LEPR: variants seen among roughly 807,000 people sequenced by gnomAD.
The protein encoded by LEPR is leptin receptor, also known as OB receptor.
Under a neutral mutation model 114.7 loss-of-function variants are expected in LEPR, and 56 were observed. That is an observed-to-expected ratio of 0.49 (90% CI 0.39 to 0.61). The LOEUF (loss-of-function observed/expected upper bound fraction) is 0.61, where lower values mean the gene tolerates loss of function less well. Ranked by LOEUF, LEPR falls within the 20% of genes least tolerant of loss-of-function variation. The pLI is 0.00. For missense variants in LEPR, 1,202 were observed against 1,352.9 expected (o/e 0.89, Z 1.75); for synonymous variants, 443 against 461.4 (o/e 0.96, Z 0.51).
chr1:65,599,468 C>G (rs1656299891), intron 8 of LEPR, among the ~76,000 whole-genome samples: 1 of 152,116 alleles, frequency 6.6e-6, no homozygotes, highest in Admixed American at 6.6e-5. Context: ...ATGGCCTGTA[C>G]AGAGATAACA....
At chr1:65,600,042 C>G (rs1274598636) in intron 8 of LEPR, among the ~76,000 whole-genome samples, 2 of 151,930 alleles carry the variant, frequency 1.3e-5, no homozygotes, top group East Asian at 3.9e-4. Context: ...TATTTGATTT[C>G]AAAGTGAAAT....
intron 2 of LEPR, among the ~76,000 whole-genome samples, chr1:65,527,799 A>G (rs1333658062): frequency 6.6e-6 from 1 of 152,230 alleles, no homozygotes; most frequent in Non-Finnish European, 1.5e-5. Flanking sequence ...TCTCTGGTGA[A>G]GTAGAGATAG....
At chr1:65,458,013 A>G (rs756741939) in intron 2 of LEPR, among the ~76,000 whole-genome samples, 40 of 152,202 alleles carry the variant, frequency 2.6e-4, no homozygotes, top group Non-Finnish European at 4.9e-4. Flanking sequence ...GTTGAGGCCT[A>G]TAAAACTTAC....
chr1:65,605,348 A>C, intron 11 of LEPR, 111 bp downstream of exon 11: 3 of 1,400,474 alleles, frequency 2.1e-6, no homozygotes, highest in Admixed American at 1.8e-5. Flanking sequence ...TTTTGAAAAA[A>C]AAATTGTTCC....
At chr1:65,521,447 G>A (rs369272502) in intron 2 of LEPR, among the ~76,000 whole-genome samples, 54 of 151,962 alleles carry the variant, frequency 3.6e-4, no homozygotes, top group Non-Finnish European at 7.5e-4. Context: ...GACATCTAGC[G>A]ACTCCTGGAT....
intron 14 of LEPR, among the ~76,000 whole-genome samples, chr1:65,613,806 G>A (rs1455519678): frequency 1.6e-5 from 2 of 122,238 alleles, no homozygotes; most frequent in Non-Finnish European, 3.4e-5. Flanking sequence ...CAAAAACCTA[G>A]CCAAAGTAGA....
At chr1:65,519,505 A>T (rs991031632) in intron 2 of LEPR, among the ~76,000 whole-genome samples, 1 of 152,008 alleles carries the variant, frequency 6.6e-6, no homozygotes, top group African/African-American at 2.4e-5. Context: ...ATAATGATTT[A>T]GGTATTCTCT....
intron 18 of LEPR, among the ~76,000 whole-genome samples, chr1:65,622,515 AAGAG>A (rs1448968264): frequency 6.6e-6 from 1 of 152,212 alleles, no homozygotes; most frequent in Non-Finnish European, 1.5e-5. Context: ...TCAGGCAAAA[AAGAG>A]AGAGAGGAGA....
chr1:65,566,090 C>A lies in LEPR; in HGVS notation c.40+485C>A, dbSNP rs149408267. Among the ~76,000 whole-genome samples, 25 of 151,696 alleles carry A rather than the reference C, an allele frequency of 1.6e-4. No homozygotes were observed. In the East Asian group the frequency reaches 4.8e-3, roughly 29 times the overall value. On this transcript the variant is annotated intron_variant, in intron 3 of 19. Transcript: ENST00000349533. Reference sequence around the variant, plus strand: ...TATGAATATATATAAAATTATTAGTCTATTTGACCAATTCCTGATTGATAG... The same window carrying A: ...TATGAATATATATAAAATTATTAGTATATTTGACCAATTCCTGATTGATAG...
chr1:65,429,880 C>T (rs991925119), intron 2 of LEPR: 12 of 1,500,734 alleles, frequency 8.0e-6, no homozygotes, highest in Admixed American at 1.8e-5. Flanking sequence ...GGCCCTTATT[C>T]GTCCTGATTT....
intron 2 of LEPR, among the ~76,000 whole-genome samples, chr1:65,463,413 T>G (rs1404839643): frequency 6.6e-6 from 1 of 152,204 alleles, no homozygotes; most frequent in African/African-American, 2.4e-5. Flanking sequence ...CCATGCTGTT[T>G]TGGTTAGTGT....
At chr1:65,507,556 C>A (rs1349857292) in intron 2 of LEPR, among the ~76,000 whole-genome samples, 3 of 146,684 alleles carry the variant, frequency 2.0e-5, no homozygotes, top group African/African-American at 7.6e-5. Flanking sequence ...TATATACACA[C>A]ACACACAACA....
chr1:65,545,248 A>T (rs1483821376), intron 2 of LEPR, among the ~76,000 whole-genome samples: 1 of 149,376 alleles, frequency 6.7e-6, no homozygotes, highest in African/African-American at 2.5e-5. Context: ...GCTATTGTGA[A>T]TAGTGCCGCA....
intron 5 of LEPR, among the ~76,000 whole-genome samples, chr1:65,591,265 G>A (rs1364774800): frequency 6.6e-6 from 1 of 152,050 alleles, no homozygotes; most frequent in Non-Finnish European, 1.5e-5. Context: ...CTTGGTAAAT[G>A]CTTTTGCAAA....
intron 2 of LEPR, among the ~76,000 whole-genome samples, chr1:65,531,147 C>T (rs1188855779): frequency 6.6e-6 from 1 of 152,124 alleles, no homozygotes; most frequent in Admixed American, 6.5e-5. Flanking sequence ...GGTCTCATTT[C>T]CTACTGTTCT....
At chr1:65,517,464 C>T (rs774795048) in intron 2 of LEPR, among the ~76,000 whole-genome samples, 45 of 152,178 alleles carry the variant, frequency 3.0e-4, no homozygotes, top group Non-Finnish European at 5.4e-4. Context: ...TTACTTCTCT[C>T]CCCTCACCAA....
intron 19 of LEPR, among the ~76,000 whole-genome samples, chr1:65,632,860 C>T (rs1190699192): frequency 1.3e-5 from 2 of 151,868 alleles, no homozygotes; most frequent in East Asian, 1.9e-4. Context: ...TTTTCCAGCT[C>T]GTTGTTCTTC....
chr1:65,438,379 G>A (rs187819728), intron 2 of LEPR, among the ~76,000 whole-genome samples: 9 of 151,568 alleles, frequency 5.9e-5, no homozygotes, highest in Admixed American at 1.3e-4. Flanking sequence ...GTGAAACCCC[G>A]TCTCTACTAA....
chr1:65,552,163 T>C (rs905257249), intron 2 of LEPR, among the ~76,000 whole-genome samples: 3 of 152,216 alleles, frequency 2.0e-5, no homozygotes, highest in African/African-American at 7.2e-5. Context: ...GATGTGGTGC[T>C]GAGAAGAATG....
Sources: allele counts gnomAD v4.1 joint callset (sites outside exome capture counted in the v4.1 genomes callset), GRCh38; gene constraint gnomAD v4.1.1; transcripts MANE v1.5; gene names NCBI Gene and HGNC (gene_info 2026-07-23, HGNC 2026-07-21).